The following INSYN2A variants were observed in gnomAD, a reference collection of about 807,000 sequenced individuals.
INSYN2A encodes inhibitory synaptic factor 2A.
A neutral mutation model predicts 39.4 loss-of-function variants in INSYN2A; 17 were observed. That is an observed-to-expected ratio of 0.43 (90% CI 0.30 to 0.65). INSYN2A has a LOEUF of 0.65. INSYN2A is among the 30% of genes least tolerant of loss of function. The pLI, the probability that INSYN2A is intolerant of heterozygous loss-of-function variation, is 0.14. For missense variants in INSYN2A, 595 were observed against 631.2 expected, an observed-to-expected ratio of 0.94 and a Z score of 0.61; for synonymous variants, 255 against 265.7, an observed-to-expected ratio of 0.96 and a Z score of 0.39.
At chr10:127,143,081 CTGTT>C (rs2051427839) in intron 5 of INSYN2A, among the ~76,000 whole-genome samples, 1 of 152,206 alleles carries the variant, frequency 6.6e-6, no homozygotes, top group African/African-American at 2.4e-5. Context: ...AGCTTATTCT[CTGTT>C]TGTCTCATGC....
intron 4 of INSYN2A, among the ~76,000 whole-genome samples, chr10:127,166,407 AT>A (rs2054096311): frequency 6.6e-6 from 1 of 152,144 alleles, no homozygotes; most frequent in Non-Finnish European, 1.5e-5. Flanking sequence ...TTGGTTCCCC[AT>A]TTTCAGGGGA....
chr10:127,176,456 A>C lies in INSYN2A; in HGVS notation c.-5-56T>G. ...GTGGGACAGAAATACACACTCAAGC[A>C]CCGGCCGCACAAACTTTTAGCCACC... On this transcript the variant is annotated intron_variant, in intron 3 of 5. Transcript: ENST00000522781. This position sits in a 1 kb window ranked among gnomAD's most constrained non-coding sequence, Gnocchi z 4.4. 5 of 1,403,992 alleles carry C rather than the reference A, an allele frequency of 3.6e-6. No individual in the cohort carries two copies. The highest frequency in any genetic ancestry group is 4.8e-6 in the Non-Finnish European group (5 of 1,037,292). 87.0% of individuals were successfully genotyped at this position (1,403,992 alleles called of 1,614,324 possible).
intron 4 of INSYN2A, among the ~76,000 whole-genome samples, chr10:127,171,820 C>T (rs575076488): frequency 3.2e-4 from 48 of 152,342 alleles, no homozygotes; most frequent in Middle Eastern, 6.8e-3. Flanking sequence ...TCTCCTGCCT[C>T]AGCCTCTGGA....
At chr10:127,138,062 T>C (rs750647069) in intron 5 of INSYN2A, 42 bp from the exon 6 acceptor site, 1 of 1,536,828 alleles carries the variant, frequency 6.5e-7, no homozygotes, top group East Asian at 2.3e-5. Flanking sequence ...TTTGATCTTT[T>C]CCATATGAAG....
chr10:127,150,589 C>A (rs1201205572), intron 5 of INSYN2A, among the ~76,000 whole-genome samples: 1 of 152,216 alleles, frequency 6.6e-6, no homozygotes, highest in Non-Finnish European at 1.5e-5. Flanking sequence ...GTCCTTACTT[C>A]TCAAGGTTCA....
intron 5 of INSYN2A, among the ~76,000 whole-genome samples, chr10:127,147,867 C>T (rs1185730652): frequency 1.3e-5 from 2 of 151,498 alleles, no homozygotes; most frequent in African/African-American, 4.8e-5. Flanking sequence ...CCCATCTCTA[C>T]TAAAAATACA....
intron 4 of INSYN2A, among the ~76,000 whole-genome samples, chr10:127,160,297 G>A (rs1249854323): frequency 6.6e-6 from 1 of 152,194 alleles, no homozygotes; most frequent in East Asian, 1.9e-4. Flanking sequence ...ATGTAAATGT[G>A]CTGTTTTTAC....
At chr10:127,185,710 G>A (rs1020698816) in intron 2 of INSYN2A, among the ~76,000 whole-genome samples, 7 of 152,140 alleles carry the variant, frequency 4.6e-5, no homozygotes, top group African/African-American at 9.7e-5. Flanking sequence ...AGTTTTGTTC[G>A]TTGAGGTAAA....
intron 4 of INSYN2A, among the ~76,000 whole-genome samples, chr10:127,158,322 G>A (rs893548320): frequency 4.6e-5 from 7 of 152,224 alleles, no homozygotes; most frequent in African/African-American, 1.2e-4. Flanking sequence ...CTTCTCCAGT[G>A]ACAGTAGGGC....
Position 127,196,355 on chromosome 10 carries a change from A to G in INSYN2A, c.-753T>C, listed in dbSNP as rs1359460356. Among the ~76,000 whole-genome samples, 3 of 148,654 alleles carry G rather than the reference A, an allele frequency of 2.0e-5. No homozygotes were observed. Among genetic ancestry groups the G allele is most frequent in the Admixed American group, 6.7e-5 (1 of 14,958 alleles). On this transcript the variant is annotated 5_prime_UTR_variant, in exon 1 of 6. Coordinates refer to ENST00000522781, the MANE Select transcript of INSYN2A (RefSeq NM_001039762.3). ...TGCTCGCGACGCGGCGGAGCCAGCCACAGCCACCCGGCTTCGCGCTCCTCC... is the reference window on the plus strand; with the variant it reads ...TGCTCGCGACGCGGCGGAGCCAGCCGCAGCCACCCGGCTTCGCGCTCCTCC...
intron 4 of INSYN2A, among the ~76,000 whole-genome samples, chr10:127,160,012 C>G (rs2053451580): frequency 6.6e-6 from 1 of 152,204 alleles, no homozygotes. Flanking sequence ...AGCTTTCTTC[C>G]CGGCCACATA....
chr10:127,141,358 C>T (rs564719924), intron 5 of INSYN2A, among the ~76,000 whole-genome samples: 1 of 152,286 alleles, frequency 6.6e-6, no homozygotes, highest in African/African-American at 2.4e-5. Flanking sequence ...TGGGTCCTAG[C>T]AGTTGCCTAC....
intron 5 of INSYN2A, among the ~76,000 whole-genome samples, chr10:127,149,301 C>T (rs1038179293): frequency 6.6e-6 from 1 of 152,330 alleles, no homozygotes; most frequent in South Asian, 2.1e-4. Context: ...CTTGCAGGTA[C>T]GCGGCAGGCT....
chr10:127,156,137 T>C (rs2053020188), intron 4 of INSYN2A, among the ~76,000 whole-genome samples: 1 of 152,204 alleles, frequency 6.6e-6, no homozygotes, highest in Non-Finnish European at 1.5e-5. Context: ...GCCCTAAACC[T>C]CAGGGGAAAT....
intron 2 of INSYN2A, among the ~76,000 whole-genome samples, chr10:127,187,069 C>T (rs530678190): frequency 3.5e-4 from 54 of 152,194 alleles, no homozygotes; most frequent in Non-Finnish European, 6.9e-4. Context: ...CAATTCACCC[C>T]GGGGCAAAAC....
chr10:127,188,876 A>G (rs1049838162), intron 2 of INSYN2A, among the ~76,000 whole-genome samples: 1 of 152,258 alleles, frequency 6.6e-6, no homozygotes, highest in African/African-American at 2.4e-5. Context: ...AAACAGAGGC[A>G]CAGGTAGTGG....
At position 127,175,238 on chromosome 10, in the gene INSYN2A, C is replaced by T; in HGVS notation, c.1158G>A (p.Leu386=). ...CTTCCCGATGGGCCTCTCCTTTTTCCAACTCCTGAATGACCCCCAAGAGCA... is the reference window on the plus strand; with the variant it reads ...CTTCCCGATGGGCCTCTCCTTTTTCTAACTCCTGAATGACCCCCAAGAGCA... ...IKVLLGVIQE[L]EKGEAHREGL... is the part of the protein sequence containing the mutation. Residue 386 remains leucine, a synonymous_variant, in exon 4 of 6, where the codon TTG becomes TTA. Coordinates refer to ENST00000522781, the MANE Select transcript of INSYN2A (RefSeq NM_001039762.3). This position sits in a 1 kb window ranked among gnomAD's most constrained non-coding sequence, Gnocchi z 6.3. 6.2e-7 allele frequency: 1 copy of T among 1,612,950 alleles called. No homozygotes were observed.
chr10:127,162,444 A>G (rs547593180), intron 4 of INSYN2A, among the ~76,000 whole-genome samples: 5 of 152,344 alleles, frequency 3.3e-5, no homozygotes, highest in African/African-American at 1.2e-4. Flanking sequence ...CTACCCTGGC[A>G]ACCTCAACAC....
chr10:127,145,240 C>T (rs544244247), intron 5 of INSYN2A, among the ~76,000 whole-genome samples: 4 of 152,144 alleles, frequency 2.6e-5, no homozygotes, highest in East Asian at 1.9e-4. Flanking sequence ...ATAGTGCCAC[C>T]GAGGAGCAGA....
Sources: gnomAD v4.1 joint callset for allele counts (sites outside exome capture counted in the v4.1 genomes callset) on GRCh38, gnomAD v4.1.1 for gene constraint, Gnocchi (gnomAD v3.1) non-coding constraint, MANE v1.5 for transcripts, NCBI Gene and HGNC (gene_info 2026-07-23, HGNC 2026-07-21) for gene names.